ALPK1: variants seen among roughly 807,000 people sequenced by gnomAD.
ALPK1 encodes alpha-protein kinase 1.
A neutral mutation model predicts 120.6 loss-of-function variants in ALPK1; 110 were observed. The ratio of observed to expected loss-of-function variants is 0.91; its 90% confidence interval spans 0.78 to 1.07. The LOEUF is 1.07. Ranked by LOEUF, ALPK1 falls within the 50% of genes least tolerant of loss-of-function variation. The probability of loss-of-function intolerance (pLI) is 0.00; values close to 1 mark genes in which losing one functional copy is unlikely to be tolerated. For synonymous variants in ALPK1, 582 were observed against 560.3 expected, an observed-to-expected ratio of 1.04 and a Z score of -0.55; for missense variants, 1,498 against 1,483.9, an observed-to-expected ratio of 1.01 and a Z score of -0.16.
At chr4:112,350,065 T>C (rs1730285797) in intron 2 of ALPK1, among the ~76,000 whole-genome samples, 1 of 152,192 alleles carries the variant, frequency 6.6e-6, no homozygotes, top group East Asian at 1.9e-4. Flanking sequence ...GCAAAGTGCA[T>C]GTGCTTAACT....
intron 1 of ALPK1, among the ~76,000 whole-genome samples, chr4:112,306,339 T>C (rs868630313): frequency 6.6e-6 from 1 of 152,142 alleles, no homozygotes; most frequent in Non-Finnish European, 1.5e-5. Flanking sequence ...AGCCCCTCTT[T>C]GTACCTCTGG....
chr4:112,429,728 T>C lies in ALPK1; in HGVS notation c.900+475T>C, dbSNP rs186305312. 2.7e-5 allele frequency among the ~76,000 whole-genome samples: 4 copies of C among 149,306 alleles called. No homozygotes were observed. In the East Asian group the frequency reaches 7.9e-4, roughly 29 times the overall value. On this transcript the variant is annotated intron_variant, in intron 10 of 15. Coordinates refer to ENST00000650871, the MANE Select transcript of ALPK1 (RefSeq NM_025144.4). The stretch of plus-strand genomic sequence containing the variant: ...GGTGGTACGTGCCTATAGTCCCAGG[T>C]ACTGGGGAGGCTGAGGTGGGAGGAT...
intron 5 of ALPK1, among the ~76,000 whole-genome samples, chr4:112,419,635 T>C (rs759496582): frequency 6.6e-6 from 1 of 152,170 alleles, no homozygotes; most frequent in African/African-American, 2.4e-5. Flanking sequence ...ACTGCAGATA[T>C]TATTTCATGC....
intron 4 of ALPK1, among the ~76,000 whole-genome samples, chr4:112,394,929 ATT>A (rs1369345197): frequency 3.9e-5 from 6 of 152,198 alleles, no homozygotes. Context: ...GGATGTGATC[ATT>A]CTTTCTGGCA....
At chr4:112,332,293 G>A (rs1729417307) in intron 2 of ALPK1, among the ~76,000 whole-genome samples, 1 of 152,158 alleles carries the variant, frequency 6.6e-6, no homozygotes, top group Non-Finnish European at 1.5e-5. Context: ...AAGTATTTGT[G>A]CCTCTTTCTT....
chr4:112,420,312 C>T (rs780674465), intron 5 of ALPK1, among the ~76,000 whole-genome samples: 3 of 152,218 alleles, frequency 2.0e-5, no homozygotes, highest in Non-Finnish European at 4.4e-5. Context: ...CAACAAGCCA[C>T]TCCCCAAAGT....
chr4:112,357,463 C>T (rs540956981), intron 2 of ALPK1: 11 of 713,474 alleles, frequency 1.5e-5, no homozygotes, highest in South Asian at 6.7e-5. Flanking sequence ...CAGCAGAAAG[C>T]GAGGGAAGGT....
intron 12 of ALPK1, 65 bp downstream of exon 12, chr4:112,435,366 A>G: frequency 6.7e-7 from 1 of 1,498,450 alleles, no homozygotes; most frequent in Non-Finnish European, 9.0e-7. Context: ...CTGTTAAGTA[A>G]TCACTCATGA....
intron 2 of ALPK1, among the ~76,000 whole-genome samples, chr4:112,326,287 A>G (rs1040660490): frequency 4.6e-5 from 7 of 152,300 alleles, no homozygotes; most frequent in African/African-American, 1.7e-4. Context: ...GCGTTGTGCT[A>G]AGATTTTATC....
At chr4:112,387,985 A>T (rs1324685595) in intron 4 of ALPK1, among the ~76,000 whole-genome samples, 2 of 152,128 alleles carry the variant, frequency 1.3e-5, no homozygotes, top group African/African-American at 4.8e-5. Context: ...AGTGTCCATG[A>T]GTTCTCATCA....
intron 2 of ALPK1, among the ~76,000 whole-genome samples, chr4:112,371,620 G>A (rs1232556674): frequency 6.6e-6 from 1 of 152,198 alleles, no homozygotes; most frequent in Non-Finnish European, 1.5e-5. Context: ...GTCAAGTCCT[G>A]TTGTTTGCCT....
chr4:112,301,756 T>C (rs1305654840), intron 1 of ALPK1, among the ~76,000 whole-genome samples: 3 of 152,154 alleles, frequency 2.0e-5, no homozygotes, highest in Admixed American at 6.5e-5. Context: ...TACTTATTTA[T>C]TTATTTATTT....
intron 14 of ALPK1, 104 bp from the exon 15 acceptor site, chr4:112,440,813 G>GTGTA: frequency 1.2e-6 from 1 of 866,672 alleles, no homozygotes; most frequent in Non-Finnish European, 1.5e-6. Context: ...ATCTCTTTAA[G>GTGTA]TGTGTGTGTG....
chr4:112,385,421 C>T (rs906394694), intron 4 of ALPK1, among the ~76,000 whole-genome samples: 1 of 152,156 alleles, frequency 6.6e-6, no homozygotes, highest in African/African-American at 2.4e-5. Context: ...CTCTAAGGGG[C>T]GCTGTCTATT....
chr4:112,382,979 C>T lies in ALPK1; in HGVS notation c.276+427C>T, dbSNP rs548678927. 4.4e-5 allele frequency: 8 copies of T among 180,874 alleles called. No individual in the cohort carries two copies. The East Asian group carries it at 6.1e-4, about 14-fold the overall frequency. 11.2% of individuals were successfully genotyped at this position (180,874 alleles called of 1,614,324 possible). On this transcript the variant is annotated intron_variant, in intron 4 of 15. Transcript: ENST00000650871. The stretch of plus-strand genomic sequence containing the variant: ...TAAGCTACTGAAGTCTGGCATATTC[C>T]TTCCCTGAGCCCCACCTAGGGTCCT...
chr4:112,334,443 A>AG (rs1553935918), intron 2 of ALPK1, among the ~76,000 whole-genome samples: 8 of 151,632 alleles, frequency 5.3e-5, no homozygotes, highest in East Asian at 1.9e-4. Flanking sequence ...AAAAAAAAAA[A>AG]AAAAGAAAAG....
chr4:112,319,099 G>A (rs1728755589), intron 2 of ALPK1, among the ~76,000 whole-genome samples: 1 of 152,216 alleles, frequency 6.6e-6, no homozygotes, highest in Admixed American at 6.5e-5. Context: ...TGGGAACTGG[G>A]AAAGAGACAA....
At chr4:112,336,909 A>G (rs1729644123) in intron 2 of ALPK1, among the ~76,000 whole-genome samples, 1 of 152,154 alleles carries the variant, frequency 6.6e-6, no homozygotes, top group Admixed American at 6.5e-5. Context: ...TTTTCCACTT[A>G]TTCTTAACTA....
At chr4:112,414,544 G>A (rs562130381) in intron 5 of ALPK1, 7 of 295,788 alleles carry the variant, frequency 2.4e-5, no homozygotes, top group Non-Finnish European at 4.9e-5. Flanking sequence ...GGAGGTGGAA[G>A]TTGCAGTGAG....
Sources: allele counts gnomAD v4.1 joint callset (sites outside exome capture counted in the v4.1 genomes callset), GRCh38; gene constraint gnomAD v4.1.1; transcripts MANE v1.5; gene names NCBI Gene and HGNC (gene_info 2026-07-23, HGNC 2026-07-21).